FAM184A: variants seen among roughly 807,000 people sequenced by gnomAD.
FAM184A encodes the protein family with sequence similarity 184 member A.
FAM184A carries 99 observed loss-of-function variants against 143.8 expected under a neutral mutation model. The observed-to-expected ratio is 0.69, with a 90% CI of 0.58 to 0.81. The LOEUF is 0.81. Ranked by LOEUF, FAM184A falls within the 40% of genes least tolerant of loss-of-function variation. The probability of loss-of-function intolerance (pLI) is 0.00; values close to 1 mark genes in which losing one functional copy is unlikely to be tolerated. For missense variants in FAM184A, 1,217 were observed against 1,310.5 expected, an observed-to-expected ratio of 0.93 and a Z score of 1.10; for synonymous variants, 427 against 446.4, an observed-to-expected ratio of 0.96 and a Z score of 0.55.
intron 1 of FAM184A, among the ~76,000 whole-genome samples, chr6:119,037,180 A>G (rs1786145733): frequency 1.3e-5 from 2 of 152,222 alleles, no homozygotes; most frequent in South Asian, 4.1e-4. Flanking sequence ...TATGCCTACA[A>G]TGGTACTAGG....
At chr6:119,042,608 G>A (rs1488793626) in intron 1 of FAM184A, among the ~76,000 whole-genome samples, 1 of 152,160 alleles carries the variant, frequency 6.6e-6, no homozygotes, top group Admixed American at 6.5e-5. Flanking sequence ...AGAGCACAGA[G>A]GATTTTTAGG....
chr6:118,965,485 A>G (rs185393368), intron 15 of FAM184A, among the ~76,000 whole-genome samples: 441 of 148,738 alleles, frequency 3.0e-3, no homozygotes, highest in Middle Eastern at 0.021. Flanking sequence ...GGCTTCACCA[A>G]CAAGATGTTC....
chr6:119,144,890 T>C (rs1228326153), intron 1 of FAM184A, among the ~76,000 whole-genome samples: 2 of 152,190 alleles, frequency 1.3e-5, no homozygotes, highest in African/African-American at 4.8e-5. Flanking sequence ...ACATTCACAG[T>C]CTGATTTACT....
chr6:119,097,213 C>A (rs956987283), intron 1 of FAM184A, among the ~76,000 whole-genome samples: 1 of 152,134 alleles, frequency 6.6e-6, no homozygotes, highest in African/African-American at 2.4e-5. Context: ...AAAAGGAATA[C>A]TTCCTTTTTC....
At chr6:119,079,340 T>C (rs1787994725), upstream of FAM184A, among the ~76,000 whole-genome samples, 1 of 151,950 alleles carries the variant, frequency 6.6e-6, no homozygotes, top group Non-Finnish European at 1.5e-5. Context: ...CAAATAGATA[T>C]GAAACTACTT....
chr6:119,096,584 C>T (rs531072097), intron 1 of FAM184A, among the ~76,000 whole-genome samples: 1 of 30,354 alleles, frequency 3.3e-5, no homozygotes, highest in African/African-American at 1.1e-4. Context: ...TGCAGTGAGC[C>T]GAGATTGCGC....
At chr6:119,058,171 C>CTTTTTTTTTTTTTT (rs1562131731) in intron 1 of FAM184A, among the ~76,000 whole-genome samples, 1 of 140,512 alleles carries the variant, frequency 7.1e-6, no homozygotes, top group African/African-American at 2.7e-5. Flanking sequence ...AATTCTCCTT[C>CTTTTTTTTTTTTTT]TCTCTTTTTT....
At chr6:119,146,755 CA>C (rs1296945054) in intron 1 of FAM184A, among the ~76,000 whole-genome samples, 1 of 151,994 alleles carries the variant, frequency 6.6e-6, no homozygotes, top group African/African-American at 2.4e-5. Flanking sequence ...TATCTTTTCC[CA>C]GATGAGAGAT....
rs1446435123 is a variant in FAM184A at position 119,022,927 on chromosome 6, A to C, written c.1150+18T>G. 1 of 1,613,628 alleles carries C rather than the reference A, an allele frequency of 6.2e-7. No individual in the cohort carries two copies. The highest frequency in any genetic ancestry group is 8.5e-7 in the Non-Finnish European group (1 of 1,179,782). On this transcript the variant is annotated intron_variant, in intron 3 of 17. Coordinates refer to ENST00000338891, the MANE Select transcript of FAM184A (RefSeq NM_024581.6). ...GATTTTAGCTAAGCATTACATCAAA[A>C]ACTGTGGTCACACATACTAGCTTTG...
intron 17 of FAM184A, chr6:118,960,786 AC>A (rs763464010): frequency 8.1e-6 from 11 of 1,365,454 alleles, no homozygotes; most frequent in Non-Finnish European, 1.1e-5. Flanking sequence ...GGGGAAAATT[AC>A]AAGGCACGCA....
Position 119,020,161 on chromosome 6 carries a change from T to C in FAM184A, c.1151-2A>G. 6.6e-7 allele frequency: 1 copy of C among 1,525,806 alleles called. No individual in the cohort carries two copies. Among genetic ancestry groups the C allele is most frequent in the Non-Finnish European group, 8.8e-7 (1 of 1,142,582 alleles). 94.5% of individuals were successfully genotyped at this position (1,525,806 alleles called of 1,614,324 possible). On this transcript the variant is annotated splice_acceptor_variant, in intron 3 of 17. Transcript: ENST00000338891. LOFTEE classifies it high-confidence loss of function. ...TTGCTTGAAGCATTCCAATATGACC[T>C]ATCCCCCAAAAAGAAAATCCCTTCA...
Position 119,022,899 on chromosome 6 carries a change from G to A in FAM184A, c.1150+46C>T, listed in dbSNP as rs139323474. The A allele has an allele frequency of 9.5e-4, 1,531 of 1,607,634 alleles. 19 individuals are homozygous for A. The South Asian group carries it at 0.01, about 11-fold the overall frequency. ...CTCCAAAAAAATAAATAAATAAAGTGTTGATTTTAGCTAAGCATTACATCA... is the reference window on the plus strand; with the variant it reads ...CTCCAAAAAAATAAATAAATAAAGTATTGATTTTAGCTAAGCATTACATCA... On this transcript the variant is annotated intron_variant, in intron 3 of 17. Coordinates refer to ENST00000338891, the MANE Select transcript of FAM184A (RefSeq NM_024581.6).
chr6:119,129,613 T>G (rs1789474164), intron 1 of FAM184A, among the ~76,000 whole-genome samples: 1 of 152,044 alleles, frequency 6.6e-6, no homozygotes, highest in South Asian at 2.1e-4. Flanking sequence ...TTTAACATTC[T>G]TAATACTGTA....
chr6:119,003,646 G>A (rs752690715), intron 7 of FAM184A, 24 bp from the exon 8 acceptor site: 2 of 1,583,782 alleles, frequency 1.3e-6, no homozygotes, highest in South Asian at 2.4e-5. Flanking sequence ...ACTTTTCAAT[G>A]AAGACTAAAC....
chr6:119,128,410 C>T (rs771471695), intron 1 of FAM184A, among the ~76,000 whole-genome samples: 2 of 152,084 alleles, frequency 1.3e-5, no homozygotes, highest in Non-Finnish European at 2.9e-5. Context: ...TGGGTAATTG[C>T]CTATCTGGAA....
At chr6:119,110,433 T>C (rs1308994743) in intron 1 of FAM184A, among the ~76,000 whole-genome samples, 1 of 152,144 alleles carries the variant, frequency 6.6e-6, no homozygotes, top group Non-Finnish European at 1.5e-5. Context: ...AACTGTGGCA[T>C]ACCCTCATCT....
At chr6:119,021,635 A>G (rs1785451788) in intron 3 of FAM184A, among the ~76,000 whole-genome samples, 1 of 152,136 alleles carries the variant, frequency 6.6e-6, no homozygotes, top group East Asian at 1.9e-4. Context: ...AGCTATGATC[A>G]GGCCACTGCA....
At chr6:119,098,201 T>A (rs1562149293) in intron 1 of FAM184A, among the ~76,000 whole-genome samples, 1 of 152,244 alleles carries the variant, frequency 6.6e-6, no homozygotes, top group Non-Finnish European at 1.5e-5. Context: ...CCCCTTTTGC[T>A]TGGCTCTCAT....
intron 1 of FAM184A, among the ~76,000 whole-genome samples, chr6:119,128,078 G>A (rs2114871264): frequency 6.6e-6 from 1 of 152,162 alleles, no homozygotes; most frequent in African/African-American, 2.4e-5. Context: ...TCCTCCCTTT[G>A]GAGTTTAGGC....
Sources: gnomAD v4.1 joint callset for allele counts (sites outside exome capture counted in the v4.1 genomes callset) on GRCh38, gnomAD v4.1.1 for gene constraint, MANE v1.5 for transcripts, NCBI Gene and HGNC (gene_info 2026-07-23, HGNC 2026-07-21) for gene names.